TAFA5: variants seen among roughly 807,000 people sequenced by gnomAD.
TAFA5 encodes the protein chemokine-like protein TAFA-5.
TAFA5 carries 6 observed loss-of-function variants against 15.3 expected under a neutral mutation model. The observed-to-expected ratio is 0.39, with a 90% CI of 0.21 to 0.77. The LOEUF (loss-of-function observed/expected upper bound fraction) is 0.77, where lower values mean the gene tolerates loss of function less well. Among genes scored for constraint, TAFA5 ranks in the 30% least tolerant of loss-of-function variants. TAFA5 has a pLI of 0.41. For synonymous variants in TAFA5, 103 were observed against 80.7 expected (o/e 1.28, Z -1.48); for missense variants, 161 against 193.1 (o/e 0.83, Z 0.98).
intron 2 of TAFA5, among the ~76,000 whole-genome samples, chr22:48,680,287 G>A (rs894115100): frequency 6.6e-6 from 1 of 152,214 alleles, no homozygotes; most frequent in Non-Finnish European, 1.5e-5. Flanking sequence ...TGCGTCCCAC[G>A]ACCCAGGTTG....
intron 1 of TAFA5, among the ~76,000 whole-genome samples, chr22:48,548,543 G>A (rs1922753833): frequency 1.3e-5 from 2 of 152,168 alleles, no homozygotes; most frequent in African/African-American, 4.8e-5. Flanking sequence ...GGGTCAGACT[G>A]GACCCCAGGC....
intron 1 of TAFA5, among the ~76,000 whole-genome samples, chr22:48,513,870 G>C (rs1324622135): frequency 6.6e-6 from 1 of 152,228 alleles, no homozygotes; most frequent in Non-Finnish European, 1.5e-5. Context: ...TGGGGGCCAA[G>C]AAGAGGGCTT....
intron 1 of TAFA5, among the ~76,000 whole-genome samples, chr22:48,524,759 G>A (rs1921722647): frequency 6.6e-6 from 1 of 152,162 alleles, no homozygotes; most frequent in African/African-American, 2.4e-5. Context: ...GGGGTGGGCG[G>A]CCAGACGAGG....
intron 1 of TAFA5, among the ~76,000 whole-genome samples, chr22:48,593,800 C>G (rs1924662684): frequency 1.3e-5 from 2 of 152,084 alleles, no homozygotes; most frequent in South Asian, 2.1e-4. Flanking sequence ...ACAGTAAGAG[C>G]TCCCCCGAGG....
rs151219607 is a variant in TAFA5 at position 48,549,897 on chromosome 22, AC to A, written c.112+60194del. The stretch of plus-strand genomic sequence containing the variant: ...AGTGCCAGACGCCCTCGGGAATTGG[AC>A]TTGTGGTCCTGGGTGTTCATTGCCA... On this transcript the variant is annotated intron_variant, in intron 1 of 3. Coordinates refer to ENST00000402357, the MANE Select transcript of TAFA5 (RefSeq NM_001082967.3). 2.7e-4 allele frequency among the ~76,000 whole-genome samples: 41 copies of A among 152,264 alleles called. 1 individual carries two copies. In the East Asian group the frequency reaches 5.8e-3, roughly 22 times the overall value.
chr22:48,643,974 C>T (rs1569061339), intron 1 of TAFA5, among the ~76,000 whole-genome samples: 1 of 152,242 alleles, frequency 6.6e-6, no homozygotes. Flanking sequence ...GCGTAAATCA[C>T]AACGTAAGAA....
At chr22:48,613,585 C>T (rs1925489930) in intron 1 of TAFA5, among the ~76,000 whole-genome samples, 1 of 152,112 alleles carries the variant, frequency 6.6e-6, no homozygotes, top group East Asian at 1.9e-4. Flanking sequence ...CTCGCCTTCC[C>T]AGCCTCCTCC....
intron 1 of TAFA5, among the ~76,000 whole-genome samples, chr22:48,643,322 A>C (rs1180568008): frequency 6.6e-6 from 1 of 152,272 alleles, no homozygotes; most frequent in African/African-American, 2.4e-5. Context: ...CAGTGGCCGC[A>C]GGGCAGAGGT....
intron 1 of TAFA5, among the ~76,000 whole-genome samples, chr22:48,637,417 G>A (rs763572928): frequency 6.6e-5 from 10 of 152,156 alleles, no homozygotes; most frequent in Admixed American, 1.3e-4. Context: ...TCCTGCTAAC[G>A]CCTCCTCGCC....
chr22:48,662,333 G>T (rs958307563), intron 2 of TAFA5, among the ~76,000 whole-genome samples: 1 of 152,166 alleles, frequency 6.6e-6, no homozygotes, highest in Admixed American at 6.5e-5. Flanking sequence ...CCTCGGGGGT[G>T]CCAGGAAGGT....
At chr22:48,650,172 C>T (rs1016564232) in intron 2 of TAFA5, among the ~76,000 whole-genome samples, 1 of 152,080 alleles carries the variant, frequency 6.6e-6, no homozygotes, top group Non-Finnish European at 1.5e-5. Context: ...TGTGTTGGGT[C>T]GGTGTTGGAA....
intron 1 of TAFA5, among the ~76,000 whole-genome samples, chr22:48,501,560 G>A (rs755975350): frequency 6.6e-6 from 1 of 151,546 alleles, no homozygotes; most frequent in Non-Finnish European, 1.5e-5. Context: ...GGGGGTGCCC[G>A]GGGAGAGATA....
At chr22:48,610,714 C>T (rs1245516553) in intron 1 of TAFA5, among the ~76,000 whole-genome samples, 1 of 152,176 alleles carries the variant, frequency 6.6e-6, no homozygotes, top group African/African-American at 2.4e-5. Flanking sequence ...TGGTCCCGTG[C>T]TGTGTGTGTT....
At chr22:48,653,801 C>A in intron 2 of TAFA5, among the ~76,000 whole-genome samples, 1 of 152,142 alleles carries the variant, frequency 6.6e-6, no homozygotes, top group East Asian at 1.9e-4. Context: ...CCACTCCCAG[C>A]TCCAGGGAGC....
intron 1 of TAFA5, among the ~76,000 whole-genome samples, chr22:48,610,873 G>C (rs28583016): frequency 6.6e-6 from 1 of 152,066 alleles, no homozygotes; most frequent in Admixed American, 6.5e-5. Context: ...GAGAGGCATC[G>C]GGGATTTGAC....
intron 1 of TAFA5, among the ~76,000 whole-genome samples, chr22:48,582,300 A>G (rs1398080631): frequency 2.6e-5 from 4 of 152,008 alleles, no homozygotes; most frequent in Non-Finnish European, 5.9e-5. Context: ...CACCACATAC[A>G]CACCCCACAC....
intron 1 of TAFA5, among the ~76,000 whole-genome samples, chr22:48,628,247 G>T (rs1278118022): frequency 6.6e-6 from 1 of 152,198 alleles, no homozygotes; most frequent in African/African-American, 2.4e-5. Context: ...AGGCGCGTGG[G>T]GACATGGGGA....
At chr22:48,556,372 G>A (rs1054470860) in intron 1 of TAFA5, among the ~76,000 whole-genome samples, 3 of 152,188 alleles carry the variant, frequency 2.0e-5, no homozygotes, top group Admixed American at 6.5e-5. Flanking sequence ...ACAGGGAGAA[G>A]CAATTAAATG....
intron 1 of TAFA5, among the ~76,000 whole-genome samples, chr22:48,511,555 G>A (rs1921211141): frequency 6.6e-6 from 1 of 152,210 alleles, no homozygotes; most frequent in Admixed American, 6.5e-5. Context: ...TTGCACAAGA[G>A]GCCCTCGCCC....
Sources: allele counts gnomAD v4.1 joint callset (sites outside exome capture counted in the v4.1 genomes callset), GRCh38; gene constraint gnomAD v4.1.1; transcripts MANE v1.5; gene names NCBI Gene and HGNC (gene_info 2026-07-23, HGNC 2026-07-21).